Variants in MBTPS1 observed in about 807,000 individuals in gnomAD.
MBTPS1 encodes the protein membrane bound transcription factor peptidase, site 1, also known as membrane-bound transcription factor site-1 protease.
A neutral mutation model predicts 127.8 loss-of-function variants in MBTPS1; 94 were observed. That is an observed-to-expected ratio of 0.74 (90% CI 0.62 to 0.87). MBTPS1 has a LOEUF of 0.87. Ranked by LOEUF, MBTPS1 falls within the 40% of genes least tolerant of loss-of-function variation. The pLI is 0.00. For missense variants in MBTPS1, 1,636 were observed against 1,353.2 expected, an observed-to-expected ratio of 1.21 and a Z score of -3.28; for synonymous variants, 632 against 509.4, an observed-to-expected ratio of 1.24 and a Z score of -3.24.
intron 1 of MBTPS1, among the ~76,000 whole-genome samples, chr16:84,113,474 G>A (rs2086426889): frequency 6.6e-6 from 1 of 152,194 alleles, no homozygotes; most frequent in Non-Finnish European, 1.5e-5. Context: ...ATAGAAAATA[G>A]TATTTAATGG....
intron 1 of MBTPS1, among the ~76,000 whole-genome samples, chr16:84,111,665 G>A (rs1398133778): frequency 2.0e-5 from 3 of 152,164 alleles, no homozygotes; most frequent in Non-Finnish European, 4.4e-5. Flanking sequence ...TCTCTCCACA[G>A]AGCCTCCAGA....
At chr16:84,100,131 G>A (rs185517978) in intron 2 of MBTPS1, among the ~76,000 whole-genome samples, 19 of 152,348 alleles carry the variant, frequency 1.2e-4, no homozygotes, top group Non-Finnish European at 2.4e-4. Flanking sequence ...CAAGGTGTAG[G>A]CTGGGCACAG....
intron 21 of MBTPS1, among the ~76,000 whole-genome samples, chr16:84,058,420 G>T (rs1379582238): frequency 6.6e-6 from 1 of 152,192 alleles, no homozygotes; most frequent in Non-Finnish European, 1.5e-5. Context: ...CTGAGGGGCT[G>T]GGGAGAGGGG....
chr16:84,101,536 G>T, intron 2 of MBTPS1, 85 bp downstream of exon 2: 11 of 1,120,798 alleles, frequency 9.8e-6, no homozygotes, highest in Non-Finnish European at 1.4e-5. Flanking sequence ...AGAGGAACAT[G>T]TTATTCAGCA....
chr16:84,100,530 G>C (rs999462551), intron 2 of MBTPS1, among the ~76,000 whole-genome samples: 15 of 151,820 alleles, frequency 9.9e-5, no homozygotes, highest in African/African-American at 2.9e-4. Flanking sequence ...GGCAACAAGA[G>C]TGAATCTCCA....
chr16:84,070,270 C>T (rs1245425263), intron 13 of MBTPS1, among the ~76,000 whole-genome samples: 1 of 152,156 alleles, frequency 6.6e-6, no homozygotes, highest in Non-Finnish European at 1.5e-5. Flanking sequence ...CTACTAGAGC[C>T]TCATAGGATT....
At chr16:84,104,512 C>G (rs370898210) in intron 1 of MBTPS1, among the ~76,000 whole-genome samples, 1 of 152,052 alleles carries the variant, frequency 6.6e-6, no homozygotes, top group Non-Finnish European at 1.5e-5. Context: ...AACTTTTCTG[C>G]CTCAAGCTAA....
At chr16:84,100,267 G>A (rs55927111) in intron 2 of MBTPS1, among the ~76,000 whole-genome samples, 42,388 of 152,056 alleles carry the variant, frequency 0.28, 6,035 homozygotes, top group African/African-American at 0.33. Context: ...TGGGCAGGCC[G>A]GGCACAGTGG....
At chr16:84,086,298 C>T (rs760392069) in intron 9 of MBTPS1, 3 of 151,830 alleles carry the variant, frequency 2.0e-5, no homozygotes, top group Admixed American at 6.6e-5. Context: ...AAGTGGATGA[C>T]ATCTCACCAC....
chr16:84,059,579 A>T, intron 20 of MBTPS1, 151 bp from the exon 21 acceptor site: 1 of 635,322 alleles, frequency 1.6e-6, no homozygotes, highest in Non-Finnish European at 2.6e-6. Flanking sequence ...CATGAGCCGC[A>T]GGAGCCACGC....
intron 4 of MBTPS1, among the ~76,000 whole-genome samples, chr16:84,094,701 TG>T (rs1597341014): frequency 1.3e-5 from 2 of 152,176 alleles, no homozygotes; most frequent in African/African-American, 2.4e-5. Context: ...TCATTTGGTT[TG>T]GGGGGAATAA....
chr16:84,098,914 C>G, intron 3 of MBTPS1, 139 bp downstream of exon 3: 2 of 885,022 alleles, frequency 2.3e-6, no homozygotes, highest in East Asian at 5.1e-5. Context: ...CTAAAAAATT[C>G]CTACCAGGAA....
chr16:84,105,255 A>G (rs2151171254), intron 1 of MBTPS1, among the ~76,000 whole-genome samples: 1 of 152,334 alleles, frequency 6.6e-6, no homozygotes, highest in East Asian at 1.9e-4. Context: ...AGATCAGGCA[A>G]TTTTAGAATA....
intron 3 of MBTPS1, among the ~76,000 whole-genome samples, chr16:84,096,975 G>A (rs1356683972): frequency 6.6e-6 from 1 of 152,100 alleles, no homozygotes; most frequent in East Asian, 1.9e-4. Flanking sequence ...TACATTCAAA[G>A]GAAAACACTT....
intron 8 of MBTPS1, 131 bp downstream of exon 8, chr16:84,090,744 A>T: frequency 1.4e-6 from 1 of 693,974 alleles, no homozygotes. Context: ...TTACATGAGG[A>T]AAACATCCTT....
intron 10 of MBTPS1, among the ~76,000 whole-genome samples, chr16:84,082,672 T>A (rs1190890260): frequency 6.6e-6 from 1 of 152,140 alleles, no homozygotes; most frequent in Non-Finnish European, 1.5e-5. Context: ...TCTCCTAAGT[T>A]CCTAAATATT....
intron 11 of MBTPS1, among the ~76,000 whole-genome samples, chr16:84,076,575 A>G (rs561195876): frequency 1.3e-5 from 2 of 152,350 alleles, no homozygotes; most frequent in East Asian, 1.9e-4. Flanking sequence ...TAACTCAAAC[A>G]ATAATTCAGA....
At chr16:84,068,944 C>G (rs1418922495) in intron 14 of MBTPS1, among the ~76,000 whole-genome samples, 1 of 152,194 alleles carries the variant, frequency 6.6e-6, no homozygotes, top group Non-Finnish European at 1.5e-5. Flanking sequence ...TCCTATGGGA[C>G]ACTGTATACA....
At chr16:84,073,569 G>C (rs928270756) in intron 12 of MBTPS1, among the ~76,000 whole-genome samples, 3 of 152,232 alleles carry the variant, frequency 2.0e-5, no homozygotes, top group African/African-American at 4.8e-5. Flanking sequence ...CAGTGGCCAA[G>C]TTAGTATGCT....
Sources: allele counts gnomAD v4.1 joint callset (sites outside exome capture counted in the v4.1 genomes callset), GRCh38; gene constraint gnomAD v4.1.1; transcripts MANE v1.5; gene names NCBI Gene and HGNC (gene_info 2026-07-23, HGNC 2026-07-21).